Variants in TESMIN observed in about 807,000 individuals in gnomAD.
TESMIN encodes CXC domain containing 2.
Under a neutral mutation model 47.4 loss-of-function variants are expected in TESMIN, and 34 were observed. The observed-to-expected ratio is 0.72, with a 90% CI of 0.55 to 0.96. The LOEUF (loss-of-function observed/expected upper bound fraction) is 0.96, where lower values mean the gene tolerates loss of function less well. TESMIN is among the 40% of genes least tolerant of loss of function. The pLI, the probability that TESMIN is intolerant of heterozygous loss-of-function variation, is 0.00. For missense variants in TESMIN, 610 were observed against 637.2 expected, an observed-to-expected ratio of 0.96 and a Z score of 0.46; for synonymous variants, 278 against 258.9, an observed-to-expected ratio of 1.07 and a Z score of -0.71.
chr11:68,711,165 GTGTGTGTGTC>G, intron 8 of TESMIN, 116 bp from the exon 9 acceptor site: 4 of 901,058 alleles, frequency 4.4e-6, no homozygotes, highest in Middle Eastern at 3.1e-4. Flanking sequence ...GACAGAGAGT[GTGTGTGTGTC>G]TGTGTGTGTT....
rs1037824362 is a variant in TESMIN at position 68,708,039 on chromosome 11, C to T, written c.*269G>A. On this transcript the variant is annotated 3_prime_UTR_variant, in exon 10 of 10. Coordinates refer to ENST00000255087, the MANE Select transcript of TESMIN (RefSeq NM_004923.3). ...GCCCTCCCCTGCCCTGCTCTGCCCTCCGCCGCCCTGCAGACACTCTCCCAG... is the reference window on the plus strand; with the variant it reads ...GCCCTCCCCTGCCCTGCTCTGCCCTTCGCCGCCCTGCAGACACTCTCCCAG... The T allele has an allele frequency of 2.1e-6, 1 of 467,572 alleles. No individual in the cohort carries two copies. The highest frequency in any genetic ancestry group is 4.2e-5 in the East Asian group (1 of 23,808). The allele number at this position is 467,572 out of a possible 1,614,324, so 29.0% of individuals were successfully genotyped here. A position where few individuals can be genotyped will look rare whatever the true frequency, so the allele number is the denominator to read the frequency against.
intron 4 of TESMIN, among the ~76,000 whole-genome samples, chr11:68,744,628 A>G (rs2153993017): frequency 6.6e-6 from 1 of 152,330 alleles, no homozygotes; most frequent in East Asian, 1.9e-4. Context: ...ACCTGAAGTC[A>G]ACCCATCAGG....
chr11:68,711,302 ATGAGTG>A (rs1430088894), intron 8 of TESMIN, among the ~76,000 whole-genome samples: 8 of 96,334 alleles, frequency 8.3e-5, no homozygotes, highest in African/African-American at 1.8e-4. Flanking sequence ...GAGCGTGTAT[ATGAGTG>A]TGTGTGGGGT....
chr11:68,732,717 C>T (rs575970369), intron 6 of TESMIN: 7 of 152,392 alleles, frequency 4.6e-5, no homozygotes, highest in African/African-American at 7.2e-5. Context: ...TATATGGCCT[C>T]GTAGACTAAA....
intron 6 of TESMIN, among the ~76,000 whole-genome samples, chr11:68,720,523 G>T (rs1946192439): frequency 6.6e-6 from 1 of 152,130 alleles, no homozygotes; most frequent in Non-Finnish European, 1.5e-5. Context: ...ACCCTACTGT[G>T]TTCCAGAACC....
At chr11:68,706,219 G>A (rs1242100170), downstream of TESMIN, among the ~76,000 whole-genome samples, 2 of 152,192 alleles carry the variant, frequency 1.3e-5, no homozygotes, top group Non-Finnish European at 1.5e-5. Context: ...ATGCACGTCT[G>A]TATCTCGGCT....
intron 6 of TESMIN, among the ~76,000 whole-genome samples, chr11:68,729,176 A>G (rs1028499027): frequency 3.3e-5 from 5 of 152,256 alleles, no homozygotes; most frequent in African/African-American, 9.6e-5. Context: ...GCCATTAAGA[A>G]TATTCATGAT....
At position 68,707,943 on chromosome 11, in the gene TESMIN, C is replaced by A. The variant is rs553388399; in HGVS notation, c.*365G>T. 15 of 459,778 alleles carry A rather than the reference C, an allele frequency of 3.3e-5. No individual in the cohort carries two copies. The highest frequency in any genetic ancestry group is 6.5e-5 in the Non-Finnish European group (15 of 230,436). 28.5% of individuals were successfully genotyped at this position (459,778 alleles called of 1,614,324 possible). On this transcript the variant is annotated 3_prime_UTR_variant, in exon 10 of 10. Transcript: ENST00000255087. ...AACATTCTCTGAGAGGAAGAGTCGA[C>A]CAGAGTGAGCTCTCCGCAGGGCCTG... is the stretch of plus-strand genomic sequence containing the variant.
chr11:68,725,705 TCAAA>T (rs1946254849), intron 6 of TESMIN, among the ~76,000 whole-genome samples: 1 of 152,070 alleles, frequency 6.6e-6, no homozygotes, highest in Non-Finnish European at 1.5e-5. Flanking sequence ...ACTCCTCGGT[TCAAA>T]CAATCCTCCT....
chr11:68,742,958 C>A (rs552757942), intron 4 of TESMIN, among the ~76,000 whole-genome samples: 2 of 151,826 alleles, frequency 1.3e-5, no homozygotes, highest in Non-Finnish European at 2.9e-5. Context: ...TTCACTGCAG[C>A]CTTGACCCCC....
chr11:68,711,186 G>T, intron 8 of TESMIN, 137 bp from the exon 9 acceptor site: 1 of 751,920 alleles, frequency 1.3e-6, no homozygotes, highest in Non-Finnish European at 2.1e-6. Flanking sequence ...TGTGTGTGTT[G>T]AGTGTGAATG....
At chr11:68,745,781 A>T (rs1023797457) in intron 3 of TESMIN, among the ~76,000 whole-genome samples, 1 of 152,198 alleles carries the variant, frequency 6.6e-6, no homozygotes, top group African/African-American at 2.4e-5. Context: ...ACTGACCATA[A>T]ATAAATGGTC....
chr11:68,738,719 G>A lies in TESMIN; in HGVS notation c.898C>T (p.Pro300Ser). ...CCTTACCCAGCCAAAGTTATTTTTG[G>A]TGGTCCTGGAAGAGTTGATCCCGAG... ...FPSGSTLPGP[P>S]KITLAGYCDC... is the part of the protein sequence containing the mutation. The change falls in exon 6 of 10, where the codon CCA (proline) becomes TCA (serine). Residue 300 changes from proline (P) to serine (S), a missense_variant. Pro to Ser is a moderately conservative substitution (Grantham distance 74, BLOSUM62 -1). Transcript: ENST00000255087. 1.2e-6 allele frequency: 2 copies of A among 1,613,996 alleles called. No individual in the cohort carries two copies. Among genetic ancestry groups the A allele is most frequent in the Middle Eastern group, 1.7e-4 (1 of 6,060 alleles).
intron 6 of TESMIN, among the ~76,000 whole-genome samples, chr11:68,725,031 T>TCACG (rs1052263959): frequency 1.3e-5 from 2 of 152,124 alleles, no homozygotes; most frequent in Non-Finnish European, 2.9e-5. Context: ...GGGGAAGGTA[T>TCACG]CACGGTCCAA....
chr11:68,718,268 G>A (rs1271286949), intron 6 of TESMIN, among the ~76,000 whole-genome samples: 1 of 149,396 alleles, frequency 6.7e-6, no homozygotes, highest in Non-Finnish European at 1.5e-5. Context: ...GAAAGACAGG[G>A]GCCCAGAGAA....
intron 6 of TESMIN, among the ~76,000 whole-genome samples, chr11:68,718,234 A>T (rs1946164975): frequency 6.6e-6 from 1 of 151,980 alleles, no homozygotes; most frequent in Non-Finnish European, 1.5e-5. Flanking sequence ...ATCCACAGAC[A>T]TGTTAGGAAA....
chr11:68,722,340 A>G (rs1487403772), intron 6 of TESMIN, among the ~76,000 whole-genome samples: 8 of 152,204 alleles, frequency 5.3e-5, no homozygotes, highest in African/African-American at 1.9e-4. Flanking sequence ...AAATTCAGTG[A>G]TGGTGGTTGC....
chr11:68,738,481 G>A (rs1023146967), intron 6 of TESMIN: 36 of 1,355,904 alleles, frequency 2.7e-5, no homozygotes, highest in Non-Finnish European at 3.4e-5. Context: ...GACAGATGCA[G>A]GTTATGGGCC....
chr11:68,733,119 C>CT (rs1946348103), intron 6 of TESMIN, among the ~76,000 whole-genome samples: 1 of 152,192 alleles, frequency 6.6e-6, no homozygotes, highest in South Asian at 2.1e-4. Context: ...ACTGATGCCC[C>CT]TAGTGCTGTC....
Sources: gnomAD v4.1 joint callset for allele counts (sites outside exome capture counted in the v4.1 genomes callset) on GRCh38, gnomAD v4.1.1 for gene constraint, MANE v1.5 for transcripts, NCBI Gene and HGNC (gene_info 2026-07-23, HGNC 2026-07-21) for gene names.